ZDHHC20: variants seen among roughly 807,000 people sequenced by gnomAD.
The protein encoded by ZDHHC20 is palmitoyltransferase ZDHHC20.
A neutral mutation model predicts 57.8 loss-of-function variants in ZDHHC20; 43 were observed. The observed-to-expected ratio is 0.74, with a 90% CI of 0.58 to 0.96. The LOEUF is 0.96. Ranked by LOEUF, ZDHHC20 falls within the 40% of genes least tolerant of loss-of-function variation. ZDHHC20 has a pLI of 0.00. For synonymous variants in ZDHHC20, 157 were observed against 153.0 expected, an observed-to-expected ratio of 1.03 and a Z score of -0.19; for missense variants, 391 against 441.1, an observed-to-expected ratio of 0.89 and a Z score of 1.02.
At chr13:21,416,063 GGT>G (rs1879919147) in intron 3 of ZDHHC20, among the ~76,000 whole-genome samples, 1 of 151,946 alleles carries the variant, frequency 6.6e-6, no homozygotes, top group African/African-American at 2.4e-5. Flanking sequence ...AAATTAGCTG[GGT>G]GTGGTGGCAT....
intron 1 of ZDHHC20, among the ~76,000 whole-genome samples, chr13:21,455,009 C>T (rs1317773658): frequency 6.6e-6 from 1 of 152,206 alleles, no homozygotes; most frequent in Non-Finnish European, 1.5e-5. Flanking sequence ...CAAGCTCCGC[C>T]TCCCAGGTTC....
intron 9 of ZDHHC20, among the ~76,000 whole-genome samples, chr13:21,385,101 A>T (rs1480878764): frequency 1.3e-5 from 2 of 152,056 alleles, no homozygotes; most frequent in African/African-American, 2.4e-5. Context: ...CGTAAGATAT[A>T]AAAAAAACCA....
intron 1 of ZDHHC20, among the ~76,000 whole-genome samples, chr13:21,447,806 C>T (rs1217315071): frequency 3.2e-5 from 3 of 94,868 alleles, no homozygotes; most frequent in South Asian, 3.0e-4. Flanking sequence ...GGAGTGTCTC[C>T]GCCCAGCCGC....
chr13:21,438,575 G>T (rs1053005983), intron 1 of ZDHHC20, among the ~76,000 whole-genome samples: 5 of 152,148 alleles, frequency 3.3e-5, no homozygotes, highest in East Asian at 1.9e-4. Context: ...AAAGAAAATG[G>T]TTTTTTTGAC....
chr13:21,429,223 A>G (rs1881637966), intron 1 of ZDHHC20, among the ~76,000 whole-genome samples: 1 of 152,204 alleles, frequency 6.6e-6, no homozygotes, highest in South Asian at 2.1e-4. Flanking sequence ...TCACTGGGAA[A>G]AAATTTTTTT....
chr13:21,392,543 T>C (rs1429870641), intron 7 of ZDHHC20, among the ~76,000 whole-genome samples: 1 of 152,212 alleles, frequency 6.6e-6, no homozygotes, highest in Non-Finnish European at 1.5e-5. Context: ...GATAAATAAA[T>C]TTACCACAGG....
At chr13:21,450,626 C>T (rs186648128) in intron 1 of ZDHHC20, among the ~76,000 whole-genome samples, 2 of 152,196 alleles carry the variant, frequency 1.3e-5, no homozygotes, top group Non-Finnish European at 2.9e-5. Context: ...AAAGAGAAGG[C>T]TAAGGTAACT....
intron 3 of ZDHHC20, among the ~76,000 whole-genome samples, chr13:21,414,881 T>C (rs968525252): frequency 4.6e-5 from 7 of 151,968 alleles, no homozygotes; most frequent in African/African-American, 1.7e-4. Flanking sequence ...CTTTATTTCA[T>C]AGATTAAAAA....
intron 1 of ZDHHC20, among the ~76,000 whole-genome samples, chr13:21,455,632 T>TGG (rs1300085375): frequency 4.1e-5 from 4 of 98,234 alleles, no homozygotes; most frequent in South Asian, 3.2e-4. Context: ...CCCAGTGAAG[T>TGG]GGTGTGTGTG....
At chr13:21,452,698 A>G (rs1211839282) in intron 1 of ZDHHC20, among the ~76,000 whole-genome samples, 3 of 152,220 alleles carry the variant, frequency 2.0e-5, no homozygotes, top group Non-Finnish European at 2.9e-5. Flanking sequence ...GAAGAGATAG[A>G]AGTATACTTT....
intron 8 of ZDHHC20, among the ~76,000 whole-genome samples, chr13:21,389,988 A>G (rs947681169): frequency 6.6e-6 from 1 of 152,194 alleles, no homozygotes; most frequent in Non-Finnish European, 1.5e-5. Flanking sequence ...GTTAATAGGG[A>G]TAAGAAATTT....
In ZDHHC20 at chr13:21,448,714, G is replaced by A. The variant is rs1326835469; in HGVS notation, c.118+10340C>T. Among the ~76,000 whole-genome samples the A allele has an allele frequency of 4.0e-5, 4 of 99,360 alleles. 1 individual carries two copies. The highest frequency in any genetic ancestry group is 1.2e-4 in the African/African-American group (4 of 32,502). 65.2% of individuals were successfully genotyped at this position (99,360 alleles called of 152,430 possible). A position where few individuals can be genotyped will look rare whatever the true frequency, so the allele number is the denominator to read the frequency against. ...GCCCGGCCACCACCCCGTCTGGGAG[G>A]TGTGCCCAACAGCTCATTGAGAACG... is the stretch of plus-strand genomic sequence containing the variant. On this transcript the variant is annotated intron_variant, in intron 1 of 12. Coordinates refer to ENST00000400590, the MANE Select transcript of ZDHHC20 (RefSeq NM_001330059.2).
chr13:21,413,977 C>CA (rs1407246750), intron 3 of ZDHHC20, among the ~76,000 whole-genome samples: 9 of 152,118 alleles, frequency 5.9e-5, no homozygotes, highest in African/African-American at 2.2e-4. Flanking sequence ...CCCTCCACAC[C>CA]AGATGGCAAA....
At chr13:21,452,951 A>G (rs1430674461) in intron 1 of ZDHHC20, among the ~76,000 whole-genome samples, 1 of 152,226 alleles carries the variant, frequency 6.6e-6, no homozygotes, top group African/African-American at 2.4e-5. Context: ...ATAAAACAAA[A>G]GAGCAAATGA....
chr13:21,442,679 C>T lies in ZDHHC20; in HGVS notation c.118+16375G>A, dbSNP rs556417411. Among the ~76,000 whole-genome samples the T allele has an allele frequency of 3.3e-5, 5 of 151,110 alleles. No individual in the cohort carries two copies. The South Asian group carries it at 6.3e-4, about 19-fold the overall frequency. ...CTGAGGCACAAGAATTGCTTGAACCCGGGAAGCAGAGATTACAGTGAGCCG... is the reference window on the plus strand; with the variant it reads ...CTGAGGCACAAGAATTGCTTGAACCTGGGAAGCAGAGATTACAGTGAGCCG... On this transcript the variant is annotated intron_variant, in intron 1 of 12. Coordinates refer to ENST00000400590, the MANE Select transcript of ZDHHC20 (RefSeq NM_001330059.2).
At position 21,383,021 on chromosome 13, in the gene ZDHHC20, A is replaced by G. The variant is rs1381521727; in HGVS notation, c.855-12T>C. 1 of 1,550,152 alleles carries G rather than the reference A, an allele frequency of 6.5e-7. No individual in the cohort carries two copies. On this transcript the variant is annotated splice_polypyrimidine_tract_variant and intron_variant, in intron 9 of 12. Coordinates refer to ENST00000400590, the MANE Select transcript of ZDHHC20 (RefSeq NM_001330059.2). ...AACCATCACCCAAGCTGCATAATGAAAAAGAGTAATAATTTAAATAATGTT... is the reference window on the plus strand; with the variant it reads ...AACCATCACCCAAGCTGCATAATGAGAAAGAGTAATAATTTAAATAATGTT...
chr13:21,392,986 G>C (rs181931360), intron 7 of ZDHHC20, among the ~76,000 whole-genome samples: 1 of 152,238 alleles, frequency 6.6e-6, no homozygotes, highest in Admixed American at 6.5e-5. Flanking sequence ...TAGACTTCCT[G>C]CGGCAAAGCT....
chr13:21,387,654 AT>A lies in ZDHHC20; in HGVS notation c.728-21del, dbSNP rs1216757753. The A allele has an allele frequency of 7.5e-7, 1 of 1,336,548 alleles. No individual in the cohort carries two copies. Among genetic ancestry groups the A allele is most frequent in the Non-Finnish European group, 9.7e-7 (1 of 1,032,716 alleles). 82.8% of individuals were successfully genotyped at this position (1,336,548 alleles called of 1,614,324 possible). A position where few individuals can be genotyped will look rare whatever the true frequency, so the allele number is the denominator to read the frequency against. On this transcript the variant is annotated intron_variant, in intron 8 of 12. Transcript: ENST00000400590. The stretch of plus-strand genomic sequence containing the variant: ...ATGATTCTGTTAAATATACATACAT[AT>A]ATAAACTAATTAATCTATTTAAAAA...
intron 1 of ZDHHC20, among the ~76,000 whole-genome samples, chr13:21,451,288 A>G (rs1485559059): frequency 6.6e-6 from 1 of 152,226 alleles, no homozygotes; most frequent in African/African-American, 2.4e-5. Context: ...TAGTATTATT[A>G]TTCTAGATGT....
Sources: allele counts gnomAD v4.1 joint callset (sites outside exome capture counted in the v4.1 genomes callset), GRCh38; gene constraint gnomAD v4.1.1; transcripts MANE v1.5; gene names NCBI Gene and HGNC (gene_info 2026-07-23, HGNC 2026-07-21).